Variants in KIAA1549L observed in about 807,000 individuals in gnomAD.
The protein encoded by KIAA1549L is UPF0606 protein KIAA1549L.
A neutral mutation model predicts 160.7 loss-of-function variants in KIAA1549L; 88 were observed. The ratio of observed to expected loss-of-function variants is 0.55; its 90% confidence interval spans 0.46 to 0.65. The LOEUF (loss-of-function observed/expected upper bound fraction) is 0.65. Ranked by LOEUF, KIAA1549L falls within the 30% of genes least tolerant of loss-of-function variation. The pLI, the probability that KIAA1549L is intolerant of heterozygous loss-of-function variation, is 0.00. For synonymous variants in KIAA1549L, 950 were observed against 976.7 expected, an observed-to-expected ratio of 0.97 and a Z score of 0.51; for missense variants, 2,258 against 2,437.5, an observed-to-expected ratio of 0.93 and a Z score of 1.55.
intron 1 of KIAA1549L, among the ~76,000 whole-genome samples, chr11:33,439,555 A>T (rs1039002248): frequency 1.2e-4 from 17 of 145,446 alleles, no homozygotes; most frequent in African/African-American, 4.1e-4. Flanking sequence ...GGCGCCCACC[A>T]GCATGCCCGG....
chr11:33,646,803 C>G (rs1851736113), intron 17 of KIAA1549L, among the ~76,000 whole-genome samples: 1 of 151,944 alleles, frequency 6.6e-6, no homozygotes, highest in Admixed American at 6.6e-5. Flanking sequence ...CCTCTTTTTC[C>G]TTTAAAAACT....
At chr11:33,405,531 A>G (rs901063495) in intron 1 of KIAA1549L, among the ~76,000 whole-genome samples, 4 of 142,070 alleles carry the variant, frequency 2.8e-5, no homozygotes, top group Admixed American at 1.4e-4. Flanking sequence ...TTTTTTTAAC[A>G]TAATACACTG....
At chr11:33,429,306 C>T (rs894083673) in intron 1 of KIAA1549L, among the ~76,000 whole-genome samples, 4 of 152,128 alleles carry the variant, frequency 2.6e-5, no homozygotes, top group East Asian at 1.9e-4. Context: ...TCCCAAGTGG[C>T]GAATTGACCA....
intron 1 of KIAA1549L, among the ~76,000 whole-genome samples, chr11:33,439,665 C>G (rs1240789128): frequency 6.6e-6 from 1 of 151,502 alleles, no homozygotes; most frequent in Admixed American, 6.6e-5. Context: ...CCTGCCTTGG[C>G]CTCCCAAAGT....
chr11:33,442,607 C>T (rs946790220), intron 1 of KIAA1549L, among the ~76,000 whole-genome samples: 7 of 152,122 alleles, frequency 4.6e-5, no homozygotes, highest in African/African-American at 1.4e-4. Flanking sequence ...ATTTTGCTTT[C>T]TTCAGTTTCA....
Position 33,606,801 on chromosome 11 carries a change from A to G in KIAA1549L, c.5040A>G (p.Ser1680=). ...VPPTSDRSQE[S]SAVLNGEVNK... is the part of the protein sequence containing the mutation. ...CCACCTCGGACAGGAGCCAGGAGTCATCGGCAGTCCTCAACGGCGAGGTAA... is the reference window on the plus strand; with the variant it reads ...CCACCTCGGACAGGAGCCAGGAGTCGTCGGCAGTCCTCAACGGCGAGGTAA... The change falls in exon 14 of 21, where the codon TCA becomes TCG. Residue 1680 remains serine, a synonymous_variant. Transcript: ENST00000658780. The G allele has an allele frequency of 1.9e-6, 3 of 1,610,994 alleles. No individual in the cohort carries two copies. In the East Asian group the frequency reaches 6.7e-5, roughly 36 times the overall value.
intron 16 of KIAA1549L, among the ~76,000 whole-genome samples, chr11:33,635,800 G>A (rs1184701427): frequency 6.6e-6 from 1 of 152,150 alleles, no homozygotes; most frequent in Non-Finnish European, 1.5e-5. Context: ...TATTCAGTGA[G>A]TATTTATTAA....
At chr11:33,665,042 C>G (rs1416794282) in intron 20 of KIAA1549L, among the ~76,000 whole-genome samples, 1 of 152,208 alleles carries the variant, frequency 6.6e-6, no homozygotes, top group Non-Finnish European at 1.5e-5. Flanking sequence ...TAAACACACC[C>G]TCTCTGGTCA....
chr11:33,434,956 A>G (rs899406524), intron 1 of KIAA1549L, among the ~76,000 whole-genome samples: 1 of 152,254 alleles, frequency 6.6e-6, no homozygotes, highest in Non-Finnish European at 1.5e-5. Flanking sequence ...CAGCTTGTAT[A>G]ATCAGTGATG....
intron 1 of KIAA1549L, among the ~76,000 whole-genome samples, chr11:33,499,604 C>T (rs1377088494): frequency 6.6e-6 from 1 of 152,198 alleles, no homozygotes; most frequent in African/African-American, 2.4e-5. Flanking sequence ...ACACCCCCAT[C>T]TCTCCGTCTG....
At chr11:33,534,200 A>G (rs1490162330) in intron 1 of KIAA1549L, among the ~76,000 whole-genome samples, 1 of 151,920 alleles carries the variant, frequency 6.6e-6, no homozygotes, top group Non-Finnish European at 1.5e-5. Context: ...CTCCTGCCTC[A>G]GCCTCCTGAG....
intron 1 of KIAA1549L, among the ~76,000 whole-genome samples, chr11:33,479,523 G>T (rs529377860): frequency 2.0e-5 from 3 of 152,346 alleles, no homozygotes; most frequent in African/African-American, 7.2e-5. Flanking sequence ...AAGTGGCTGT[G>T]CCAAAGAGAA....
intron 1 of KIAA1549L, among the ~76,000 whole-genome samples, chr11:33,515,362 G>C (rs933387240): frequency 6.6e-6 from 1 of 152,192 alleles, no homozygotes; most frequent in African/African-American, 2.4e-5. Flanking sequence ...CACTTCCCTA[G>C]TCAAGCACCT....
At chr11:33,467,208 T>C (rs1476460066) in intron 1 of KIAA1549L, among the ~76,000 whole-genome samples, 1 of 152,030 alleles carries the variant, frequency 6.6e-6, no homozygotes, top group Non-Finnish European at 1.5e-5. Flanking sequence ...ATAAGAGTGC[T>C]GCTTGAAAAT....
At chr11:33,591,474 G>T (rs1034912101) in intron 12 of KIAA1549L, 53 bp downstream of exon 12, 1 of 1,424,054 alleles carries the variant, frequency 7.0e-7, no homozygotes, top group Admixed American at 2.2e-5. Flanking sequence ...AATAATTGAT[G>T]ATGAGAAAAG....
chr11:33,636,042 A>G (rs184314656), intron 16 of KIAA1549L, among the ~76,000 whole-genome samples: 1 of 152,352 alleles, frequency 6.6e-6, no homozygotes, highest in African/African-American at 2.4e-5. Flanking sequence ...CACCCAGGAC[A>G]TGAATCTTGC....
intron 19 of KIAA1549L, among the ~76,000 whole-genome samples, chr11:33,660,551 C>T (rs1290024303): frequency 6.8e-6 from 1 of 147,630 alleles, no homozygotes; most frequent in Non-Finnish European, 1.5e-5. Context: ...GGCGACAGAG[C>T]GAGACTCCGT....
chr11:33,399,035 C>A (rs1158168775), intron 1 of KIAA1549L, among the ~76,000 whole-genome samples: 1 of 151,772 alleles, frequency 6.6e-6, no homozygotes, highest in African/African-American at 2.4e-5. Context: ...TCACTGCAAC[C>A]TCCACCTCCC....
chr11:33,528,224 A>G (rs2133141642), intron 1 of KIAA1549L, among the ~76,000 whole-genome samples: 1 of 152,316 alleles, frequency 6.6e-6, no homozygotes, highest in South Asian at 2.1e-4. Context: ...AACTATGAAA[A>G]AATGCTCAAG....
Sources: allele counts gnomAD v4.1 joint callset (sites outside exome capture counted in the v4.1 genomes callset), GRCh38; gene constraint gnomAD v4.1.1; transcripts MANE v1.5; gene names NCBI Gene and HGNC (gene_info 2026-07-23, HGNC 2026-07-21).